ZNF407: variants seen among roughly 807,000 people sequenced by gnomAD.
The protein encoded by ZNF407 is zinc finger protein 407.
In ZNF407, 17 loss-of-function variants were observed where a neutral mutation model predicts 131.2. The observed-to-expected ratio is 0.13, with a 90% CI of 0.09 to 0.19. The LOEUF is 0.19. Ranked by LOEUF, ZNF407 falls within the 10% of genes least tolerant of loss-of-function variation. ZNF407 has a pLI of 1.00. For synonymous variants in ZNF407, 1,156 were observed against 1,062.0 expected (o/e 1.09, Z -1.72); for missense variants, 2,681 against 2,830.6 (o/e 0.95, Z 1.20).
intron 3 of ZNF407, among the ~76,000 whole-genome samples, chr18:74,697,842 A>T (rs1460171889): frequency 6.6e-6 from 1 of 152,234 alleles, no homozygotes; most frequent in East Asian, 1.9e-4. Context: ...TGCAATTTGC[A>T]GTGCATGCTG....
At chr18:74,952,772 A>G (rs768417798) in intron 8 of ZNF407, among the ~76,000 whole-genome samples, 1 of 152,232 alleles carries the variant, frequency 6.6e-6, no homozygotes, top group African/African-American at 2.4e-5. Flanking sequence ...AACCATGGCC[A>G]TAATTAAAAT....
At chr18:74,705,884 G>C (rs368412279) in intron 3 of ZNF407, among the ~76,000 whole-genome samples, 2 of 152,128 alleles carry the variant, frequency 1.3e-5, no homozygotes, top group Admixed American at 1.3e-4. Context: ...ATCAAAGAGC[G>C]GTCTACATTG....
intron 3 of ZNF407, among the ~76,000 whole-genome samples, chr18:74,755,708 C>A (rs1483433981): frequency 7.7e-6 from 1 of 130,650 alleles, no homozygotes; most frequent in Non-Finnish European, 1.7e-5. Flanking sequence ...TCTGCCTCAG[C>A]CTGCCTCTCT....
chr18:75,051,323 C>A (rs747815587), intron 8 of ZNF407, among the ~76,000 whole-genome samples: 13 of 152,210 alleles, frequency 8.5e-5, no homozygotes, highest in Non-Finnish European at 1.3e-4. Flanking sequence ...GTAAATGTGA[C>A]AAACTACAAA....
In ZNF407 at chr18:74,634,669, A is replaced by G; in HGVS notation, c.3650A>G (p.His1217Arg). 6.2e-7 allele frequency: 1 copy of G among 1,614,034 alleles called. No homozygotes were observed. The highest frequency in any genetic ancestry group is 8.5e-7 in the Non-Finnish European group (1 of 1,179,902). ...AATTGTGAGACAGCAAAGAAAAACC[A>G]TGAGATATCGAATGATGCAGGTGAG... Reference protein sequence around the residue: ...ALNCETAKKNHEISNDAGELR... With the variant: ...ALNCETAKKNREISNDAGELR... The change falls in exon 2 of 9, where the codon CAT becomes CGT. Residue 1217 changes from histidine (H) to arginine (R), a missense_variant. Physicochemically the swap from His to Arg is conservative, Grantham distance 29 (BLOSUM62 0). Around this residue, in one of 6 missense-constraint regions of ZNF407, gnomAD observed 1,789 missense variants for 1,748.7 expected, o/e 1.02. Transcript: ENST00000299687.
At chr18:74,734,061 T>G (rs1354714674) in intron 3 of ZNF407, among the ~76,000 whole-genome samples, 2 of 152,176 alleles carry the variant, frequency 1.3e-5, no homozygotes, top group African/African-American at 4.8e-5. Context: ...CGGTTCATTC[T>G]TCTGACAAGA....
At chr18:74,622,246 A>G (rs28715314) in intron 1 of ZNF407, among the ~76,000 whole-genome samples, 45 of 152,204 alleles carry the variant, frequency 3.0e-4, no homozygotes, top group African/African-American at 8.7e-4. Context: ...GCCTTTATGC[A>G]TGGACTTGAT....
At chr18:74,781,896 T>G (rs2145029575) in intron 4 of ZNF407, among the ~76,000 whole-genome samples, 1 of 152,314 alleles carries the variant, frequency 6.6e-6, no homozygotes, top group South Asian at 2.1e-4. Context: ...TACTCTAGAC[T>G]TAAAGATTGC....
chr18:74,652,921 A>G (rs1044239241), intron 3 of ZNF407, among the ~76,000 whole-genome samples: 1 of 152,066 alleles, frequency 6.6e-6, no homozygotes, highest in Non-Finnish European at 1.5e-5. Flanking sequence ...CATATAAGCT[A>G]TGACTGGACA....
intron 1 of ZNF407, among the ~76,000 whole-genome samples, chr18:74,630,521 G>A (rs1034425567): frequency 3.9e-5 from 6 of 152,154 alleles, no homozygotes; most frequent in African/African-American, 1.4e-4. Flanking sequence ...TTGGGCTTCT[G>A]TTAGAGGTTA....
At chr18:74,792,617 T>G (rs1969847000) in intron 4 of ZNF407, among the ~76,000 whole-genome samples, 1 of 152,004 alleles carries the variant, frequency 6.6e-6, no homozygotes, top group Non-Finnish European at 1.5e-5. Flanking sequence ...ATGCTTATTT[T>G]TAAAATTAAT....
At chr18:74,966,292 T>C (rs1218623050) in intron 8 of ZNF407, among the ~76,000 whole-genome samples, 1 of 152,200 alleles carries the variant, frequency 6.6e-6, no homozygotes, top group African/African-American at 2.4e-5. Flanking sequence ...CTTTCATAGT[T>C]TGAGGTCTTA....
chr18:74,792,822 A>G (rs767464933), intron 4 of ZNF407, among the ~76,000 whole-genome samples: 1 of 152,210 alleles, frequency 6.6e-6, no homozygotes, highest in South Asian at 2.1e-4. Context: ...TGTGAAATCA[A>G]TAAAAGCCAG....
chr18:74,900,388 A>G (rs1475094062), intron 7 of ZNF407, among the ~76,000 whole-genome samples: 1 of 152,108 alleles, frequency 6.6e-6, no homozygotes, highest in African/African-American at 2.4e-5. Flanking sequence ...GTTTTGAGTC[A>G]AGAAAACAGA....
chr18:74,734,669 ATTTG>A (rs1254883551), intron 3 of ZNF407, among the ~76,000 whole-genome samples: 1 of 127,278 alleles, frequency 7.9e-6, no homozygotes, highest in Non-Finnish European at 1.7e-5. Context: ...TTGAGTTTCA[ATTTG>A]TGTGTGTGTG....
intron 8 of ZNF407, among the ~76,000 whole-genome samples, chr18:74,931,921 T>C (rs971077262): frequency 2.0e-5 from 3 of 152,194 alleles, no homozygotes; most frequent in Non-Finnish European, 4.4e-5. Flanking sequence ...TTATTTTATA[T>C]TTTTGACCTG....
At chr18:74,705,262 G>A (rs1391879846) in intron 3 of ZNF407, among the ~76,000 whole-genome samples, 1 of 152,064 alleles carries the variant, frequency 6.6e-6, no homozygotes, top group East Asian at 1.9e-4. Context: ...TGAGGTGACT[G>A]AGTAGAGACT....
chr18:74,908,553 G>C (rs891831166), intron 7 of ZNF407, among the ~76,000 whole-genome samples: 1 of 152,134 alleles, frequency 6.6e-6, no homozygotes, highest in Admixed American at 6.5e-5. Context: ...CAAATGACAT[G>C]CATCTATTTG....
intron 8 of ZNF407, among the ~76,000 whole-genome samples, chr18:75,024,067 G>A (rs184058224): frequency 6.6e-6 from 1 of 152,304 alleles, no homozygotes; most frequent in Non-Finnish European, 1.5e-5. Flanking sequence ...TCCTCAAAAT[G>A]TATGTGAGTT....
Sources: allele counts gnomAD v4.1 joint callset (sites outside exome capture counted in the v4.1 genomes callset), GRCh38; gene constraint gnomAD v4.1.1; regional missense constraint gnomAD v4.1.1; transcripts MANE v1.5; gene names NCBI Gene and HGNC (gene_info 2026-07-23, HGNC 2026-07-21).